MAPK10: variants seen among roughly 807,000 people sequenced by gnomAD.
MAPK10 encodes the protein mitogen-activated protein kinase 10.
MAPK10 carries 25 observed loss-of-function variants against 59.3 expected under a neutral mutation model. The ratio of observed to expected loss-of-function variants is 0.42; its 90% CI spans 0.31 to 0.59. MAPK10 has a LOEUF of 0.59. Ranked by LOEUF, MAPK10 falls within the 20% of genes least tolerant of loss-of-function variation. The pLI, the probability that MAPK10 is intolerant of heterozygous loss-of-function variation, is 0.15. For missense variants in MAPK10, 351 were observed against 568.9 expected, an observed-to-expected ratio of 0.62 and a Z score of 3.90; for synonymous variants, 190 against 200.5, an observed-to-expected ratio of 0.95 and a Z score of 0.44.
At chr4:86,210,775 A>G (rs145278129) in intron 2 of MAPK10, among the ~76,000 whole-genome samples, 151 of 152,012 alleles carry the variant, frequency 9.9e-4, no homozygotes, top group African/African-American at 3.4e-3. Context: ...TGGCAAAACT[A>G]CTAGATAAAG....
chr4:86,140,574 C>T lies in MAPK10; in HGVS notation c.236+18724G>A, dbSNP rs1229877122. Among the ~76,000 whole-genome samples, 7 of 148,692 alleles carry T rather than the reference C, an allele frequency of 4.7e-5. No individual in the cohort carries two copies. In the East Asian group the frequency reaches 1.2e-3, roughly 25 times the overall value. Reference sequence around the variant, plus strand: ...GGGAGGGATAGCACTGGGAGATATACCCAATGCTAGATGACGAGTTAGTGG... The same window carrying T: ...GGGAGGGATAGCACTGGGAGATATATCCAATGCTAGATGACGAGTTAGTGG... On this transcript the variant is annotated intron_variant, in intron 4 of 13. Transcript: ENST00000641462.
At chr4:86,528,776 A>ATATATCTTGC in intron 1 of MAPK10, among the ~76,000 whole-genome samples, 1 of 152,226 alleles carries the variant, frequency 6.6e-6, no homozygotes, top group East Asian at 1.9e-4. Flanking sequence ...AACCCCCCAA[A>ATATATCTTGC]TATATCTTGC....
intron 1 of MAPK10, among the ~76,000 whole-genome samples, chr4:86,584,531 C>G (rs142823273): frequency 6.6e-6 from 1 of 152,152 alleles, no homozygotes; most frequent in Non-Finnish European, 1.5e-5. Flanking sequence ...GAAGCCTCCA[C>G]CTTCCAGGCT....
intron 3 of MAPK10, among the ~76,000 whole-genome samples, chr4:86,170,056 G>A (rs948992951): frequency 2.6e-5 from 4 of 151,930 alleles, no homozygotes; most frequent in East Asian, 1.9e-4. Context: ...AGCTCCTGAA[G>A]GAAGCGCTAA....
In MAPK10 at chr4:86,017,033, T is replaced by G; in HGVS notation, c.*195A>C. Reference sequence around the variant, plus strand: ...AGCAACTAGAAGTTAAATATACATTTGAGCTTAGCTGCAATACAGAACCCT... The same window carrying G: ...AGCAACTAGAAGTTAAATATACATTGGAGCTTAGCTGCAATACAGAACCCT... On this transcript the variant is annotated 3_prime_UTR_variant, in exon 14 of 14. Coordinates refer to ENST00000641462, the MANE Select transcript of MAPK10 (RefSeq NM_138982.4). This position sits in a 1 kb window ranked among gnomAD's most constrained non-coding sequence, Gnocchi z 4.4. The G allele has an allele frequency of 1.8e-6, 1 of 546,444 alleles. No homozygotes were observed. 33.8% of individuals were successfully genotyped at this position (546,444 alleles called of 1,614,324 possible). A position where few individuals can be genotyped will look rare whatever the true frequency, so the allele number is the denominator to read the frequency against.
intron 2 of MAPK10, among the ~76,000 whole-genome samples, chr4:86,202,750 A>G (rs914583729): frequency 1.3e-5 from 2 of 151,938 alleles, no homozygotes; most frequent in African/African-American, 4.8e-5. Flanking sequence ...AAAACAAACA[A>G]TGTGTTTTAA....
intron 1 of MAPK10, among the ~76,000 whole-genome samples, chr4:86,586,075 TC>T (rs887903252): frequency 6.6e-6 from 1 of 152,172 alleles, no homozygotes; most frequent in African/African-American, 2.4e-5. Flanking sequence ...CTAAGGCAAG[TC>T]CCTGTGGGTC....
chr4:86,397,864 CAAAAAAAAAA>C (rs759585442), intron 1 of MAPK10, among the ~76,000 whole-genome samples: 4 of 51,758 alleles, frequency 7.7e-5, no homozygotes, highest in Admixed American at 2.3e-4. Context: ...TCTGCTATGG[CAAAAAAAAAA>C]AAAAAAAAAA....
At chr4:86,119,887 A>G (rs550884208) in intron 4 of MAPK10, 2 of 152,394 alleles carry the variant, frequency 1.3e-5, no homozygotes, top group South Asian at 4.1e-4. Context: ...ACAGCTGGTA[A>G]GGCTCATTAC....
intron 1 of MAPK10, among the ~76,000 whole-genome samples, chr4:86,548,520 G>A (rs1408600943): frequency 6.6e-6 from 1 of 152,180 alleles, no homozygotes; most frequent in Non-Finnish European, 1.5e-5. Context: ...AGGGCTGGAG[G>A]TGGGGTCTGG....
intron 1 of MAPK10, among the ~76,000 whole-genome samples, chr4:86,566,012 T>C (rs1179145414): frequency 6.6e-6 from 1 of 152,230 alleles, no homozygotes; most frequent in Non-Finnish European, 1.5e-5. Flanking sequence ...TTCTTGAAGT[T>C]GTAGTTTAAC....
intron 2 of MAPK10, among the ~76,000 whole-genome samples, chr4:86,317,573 C>T (rs777101323): frequency 1.3e-5 from 2 of 152,178 alleles, no homozygotes; most frequent in Non-Finnish European, 2.9e-5. Flanking sequence ...AGTTCAAACT[C>T]TGTCTTTTCC....
chr4:86,479,327 A>G (rs1435186883), intron 1 of MAPK10, among the ~76,000 whole-genome samples: 3 of 152,018 alleles, frequency 2.0e-5, no homozygotes, highest in Non-Finnish European at 4.4e-5. Flanking sequence ...ACTGGACAAT[A>G]CTTTTACCAC....
chr4:86,549,038 C>G (rs1180697930), intron 1 of MAPK10, among the ~76,000 whole-genome samples: 1 of 151,734 alleles, frequency 6.6e-6, no homozygotes, highest in Non-Finnish European at 1.5e-5. Flanking sequence ...TACTAAAATA[C>G]CAATATTAAT....
chr4:86,277,937 G>C (rs1420574296), intron 2 of MAPK10, among the ~76,000 whole-genome samples: 1 of 151,984 alleles, frequency 6.6e-6, no homozygotes, highest in East Asian at 1.9e-4. Flanking sequence ...TACTCCTAAG[G>C]ATGCAAAAAA....
upstream of MAPK10, among the ~76,000 whole-genome samples, chr4:86,361,861 T>C (rs1413849383): frequency 6.6e-6 from 1 of 152,074 alleles, no homozygotes; most frequent in East Asian, 1.9e-4. Context: ...GAAAGTAGAA[T>C]GGTGGTTACC....
intron 1 of MAPK10, among the ~76,000 whole-genome samples, chr4:86,569,561 C>T (rs890746000): frequency 3.3e-5 from 5 of 152,076 alleles, no homozygotes; most frequent in Admixed American, 1.3e-4. Context: ...TACCTACCTA[C>T]CTACCTGTGG....
At chr4:86,344,463 A>G (rs1726917064) in intron 2 of MAPK10, among the ~76,000 whole-genome samples, 1 of 152,114 alleles carries the variant, frequency 6.6e-6, no homozygotes, top group Admixed American at 6.6e-5. Context: ...ATTTATTCAC[A>G]AGATTTTCTT....
intron 1 of MAPK10, among the ~76,000 whole-genome samples, chr4:86,420,392 T>A (rs766533051): frequency 6.6e-6 from 1 of 152,220 alleles, no homozygotes; most frequent in Non-Finnish European, 1.5e-5. Flanking sequence ...ATATTAGCCA[T>A]AGGTACTTCT....
Sources: allele counts gnomAD v4.1 joint callset (sites outside exome capture counted in the v4.1 genomes callset), GRCh38; gene constraint gnomAD v4.1.1; non-coding constraint Gnocchi (gnomAD v3.1); transcripts MANE v1.5; gene names NCBI Gene and HGNC (gene_info 2026-07-23, HGNC 2026-07-21).